CLPTM1L: variants seen among roughly 807,000 people sequenced by gnomAD.
The protein encoded by CLPTM1L is CLPTM1 like, also known as lipid scramblase CLPTM1L.
A neutral mutation model predicts 70.9 loss-of-function variants in CLPTM1L; 38 were observed. The ratio of observed to expected loss-of-function variants is 0.54; its 90% CI spans 0.41 to 0.70. The LOEUF (loss-of-function observed/expected upper bound fraction) is 0.70, where lower values mean the gene tolerates loss of function less well. Ranked by LOEUF, CLPTM1L falls within the 30% of genes least tolerant of loss-of-function variation. CLPTM1L has a pLI of 0.00. For missense variants in CLPTM1L, 652 were observed against 705.9 expected (o/e 0.92, Z 0.87); for synonymous variants, 339 against 299.9 (o/e 1.13, Z -1.35).
rs569276092 is a variant in CLPTM1L, at chr5:1,337,937, G to C, written c.645C>G (p.Ile215Met). ...KTVHYLPILF[I>M]DQLSNRVKDL... ...CCTTCACGCGGTTGCTGAGCTGGTC[G>C]ATGAACAGGATGGGCAGGTAATGCA... Residue 215 changes from isoleucine (I) to methionine (M), a missense_variant, in exon 5 of 17, where the codon ATC (isoleucine) becomes ATG (methionine). By Grantham distance (10) the Ile-to-Met change is conservative. Transcript: ENST00000320895. The C allele has an allele frequency of 4.4e-6, 7 of 1,607,584 alleles. No individual in the cohort carries two copies. The highest frequency in any genetic ancestry group is 5.9e-6 in the Non-Finnish European group (7 of 1,178,070).
intron 9 of CLPTM1L, among the ~76,000 whole-genome samples, chr5:1,329,421 T>A (rs1191255628): frequency 6.6e-6 from 1 of 151,852 alleles, no homozygotes; most frequent in Non-Finnish European, 1.5e-5. Context: ...GCCTCAGGCC[T>A]CTGCTTGGTG....
At position 1,324,750 on chromosome 5, in the gene CLPTM1L, A is replaced by G. The variant is rs546136170; in HGVS notation, c.1197+13T>C. ...GCCTGGCATGCACGTGCCCTGAATC[A>G]CAAGTGACTTACCTGAGTATCGTAC... On this transcript the variant is annotated intron_variant, in intron 11 of 16. Transcript: ENST00000320895. 2 of 1,613,534 alleles carry G rather than the reference A, an allele frequency of 1.2e-6. No individual in the cohort carries two copies. Among genetic ancestry groups the G allele is most frequent in the East Asian group, 2.2e-5 (1 of 44,882 alleles).
chr5:1,331,818 G>T lies in CLPTM1L; in HGVS notation c.957C>A (p.Ile319=), dbSNP rs142281891. 1 of 1,613,254 alleles carries T rather than the reference G, an allele frequency of 6.2e-7. No individual in the cohort carries two copies. The highest frequency in any genetic ancestry group is 8.5e-7 in the Non-Finnish European group (1 of 1,179,972). Residue 319 remains isoleucine, a synonymous_variant, in exon 8 of 17, where the codon ATC becomes ATA. Coordinates refer to ENST00000320895, the MANE Select transcript of CLPTM1L (RefSeq NM_030782.5). ...GCCTACCTGCCTTGGTGGACATGCC[G>T]ATCATGCTCTTCTTCTTCTTCCAGA... is the stretch of plus-strand genomic sequence containing the variant. ...ISFWKKKKSM[I]GMSTKAVLWR... is the part of the protein sequence containing the mutation.
In CLPTM1L at chr5:1,318,548, G is replaced by T; in HGVS notation, c.1533-95C>A. On this transcript the variant is annotated intron_variant, in intron 16 of 16. Coordinates refer to ENST00000320895, the MANE Select transcript of CLPTM1L (RefSeq NM_030782.5). The surrounding 1 kb of genome is among the most constrained non-coding windows in gnomAD (Gnocchi z 8.9). ...GCATCCTCGATTTATTTTCCAGTGA[G>T]CTGCCACAGTGAGCAAATTAACTAA... is the stretch of plus-strand genomic sequence containing the variant. The T allele has an allele frequency of 1.0e-6, 1 of 1,002,044 alleles. No individual in the cohort carries two copies. The highest frequency in any genetic ancestry group is 1.6e-6 in the Non-Finnish European group (1 of 645,010). 62.1% of individuals were successfully genotyped at this position (1,002,044 alleles called of 1,614,324 possible).
intron 7 of CLPTM1L, 151 bp from the exon 8 acceptor site, chr5:1,332,034 C>A (rs549275733): frequency 7.6e-6 from 5 of 657,430 alleles, no homozygotes; most frequent in Non-Finnish European, 1.3e-5. Flanking sequence ...GGGACCCATG[C>A]CTCTACGCGC....
Position 1,318,638 on chromosome 5 carries a change from T to C in CLPTM1L, c.1533-185A>G, listed in dbSNP as rs1751971780. Among the ~76,000 whole-genome samples the C allele has an allele frequency of 6.6e-6, 1 of 152,200 alleles. No individual in the cohort carries two copies. The highest frequency in any genetic ancestry group is 1.5e-5 in the Non-Finnish European group (1 of 68,034). On this transcript the variant is annotated intron_variant, in intron 16 of 16. Transcript: ENST00000320895. This position sits in a 1 kb window ranked among gnomAD's most constrained non-coding sequence, Gnocchi z 8.9. ...GAGGGATTTCTGAGTTGTGTTTTGT[T>C]CTGCATGGCCAGGCCAGCGTGCTGC...
At chr5:1,333,537 G>C (rs1240053031) in intron 7 of CLPTM1L, among the ~76,000 whole-genome samples, 1 of 135,272 alleles carries the variant, frequency 7.4e-6, no homozygotes, top group African/African-American at 2.8e-5. Flanking sequence ...ATGAGGATAA[G>C]GGGGGACTAC....
chr5:1,333,500 A>G (rs1401724861), intron 7 of CLPTM1L, among the ~76,000 whole-genome samples: 7 of 137,896 alleles, frequency 5.1e-5, no homozygotes, highest in African/African-American at 1.9e-4. Flanking sequence ...AGATGAGGAT[A>G]AGGGGGGACT....
chr5:1,330,005 T>TCACC (rs1249815813), intron 9 of CLPTM1L, among the ~76,000 whole-genome samples: 6 of 147,656 alleles, frequency 4.1e-5, no homozygotes, highest in Admixed American at 6.7e-5. Flanking sequence ...GCCTCAGGAC[T>TCACC]ATCTGCTTGG....
At chr5:1,344,502 G>A in intron 1 of CLPTM1L, 51 bp from the exon 2 acceptor site, 2 of 1,542,472 alleles carry the variant, frequency 1.3e-6, no homozygotes, top group East Asian at 2.2e-5. Flanking sequence ...CTGGCAGGAC[G>A]CACTCAAATC....
At chr5:1,326,217 C>A in intron 9 of CLPTM1L, 1 of 259,874 alleles carries the variant, frequency 3.8e-6, no homozygotes, top group Non-Finnish European at 7.4e-6. Flanking sequence ...ACCCACGGAG[C>A]TCAGGACGGG....
intron 7 of CLPTM1L, among the ~76,000 whole-genome samples, chr5:1,333,829 A>G (rs192309910): frequency 1.3e-5 from 2 of 152,134 alleles, no homozygotes; most frequent in East Asian, 3.9e-4. Context: ...GTATACACAC[A>G]GGACTGACTT....
chr5:1,321,862 G>A (rs777517646), intron 13 of CLPTM1L, 43 bp from the exon 14 acceptor site: 4 of 1,578,840 alleles, frequency 2.5e-6, no homozygotes, highest in Non-Finnish European at 3.5e-6. Flanking sequence ...GGAGGGCCGG[G>A]CTGCCACATC....
intron 9 of CLPTM1L, among the ~76,000 whole-genome samples, chr5:1,327,376 C>T (rs1301349093): frequency 1.3e-5 from 2 of 148,518 alleles, no homozygotes; most frequent in African/African-American, 4.9e-5. Flanking sequence ...AGGCACATTC[C>T]ATCCAGCTCC....
intron 9 of CLPTM1L, among the ~76,000 whole-genome samples, chr5:1,329,155 G>A (rs1314204314): frequency 6.6e-6 from 1 of 152,254 alleles, no homozygotes; most frequent in African/African-American, 2.4e-5. Flanking sequence ...CACCCTGAAG[G>A]CCATCGCCCC....
In CLPTM1L at chr5:1,318,064, G is replaced by A; in HGVS notation, c.*305C>T. 2.7e-6 allele frequency: 1 copy of A among 375,416 alleles called. No individual in the cohort carries two copies. The highest frequency in any genetic ancestry group is 4.4e-5 in the East Asian group (1 of 22,680). The allele number at this position is 375,416 out of a possible 1,614,324, so 23.3% of individuals were successfully genotyped here. On this transcript the variant is annotated 3_prime_UTR_variant, in exon 17 of 17. Transcript: ENST00000320895. The surrounding 1 kb of genome is among the most constrained non-coding windows in gnomAD (Gnocchi z 8.9). The stretch of plus-strand genomic sequence containing the variant: ...TCCAACAGCCCCCTTGCCTGTGAGG[G>A]CTCCCACCCCTGCCCGCGTGAGGAC...
chr5:1,337,942 A>G lies in CLPTM1L; in HGVS notation c.640T>C (p.Phe214Leu). The G allele has an allele frequency of 6.2e-7, 1 of 1,608,284 alleles. No individual in the cohort carries two copies. The highest frequency in any genetic ancestry group is 1.7e-5 in the Admixed American group (1 of 58,994). The change falls in exon 5 of 17, where the codon TTC becomes CTC. Residue 214 changes from phenylalanine (F) to leucine (L), a missense_variant. Phe to Leu is a conservative substitution (Grantham distance 22). Around this residue, in one of 3 missense-constraint regions of CLPTM1L, gnomAD observed 402 missense variants for 388.2 expected, o/e 1.04. Transcript: ENST00000320895. ...GKTVHYLPIL[F>L]IDQLSNRVKD... ...ACGCGGTTGCTGAGCTGGTCGATGA[A>G]CAGGATGGGCAGGTAATGCACGGTT...
chr5:1,320,389 T>C (rs1752080782), intron 16 of CLPTM1L: 2 of 432,408 alleles, frequency 4.6e-6, no homozygotes, highest in South Asian at 5.8e-5. Context: ...GAAACGAGCA[T>C]TTCTAAAGCA....
intron 9 of CLPTM1L, among the ~76,000 whole-genome samples, chr5:1,329,749 T>C (rs1752955732): frequency 1.0e-5 from 1 of 96,034 alleles, no homozygotes; most frequent in Admixed American, 9.0e-5. Flanking sequence ...ACTCTCTGCC[T>C]GGTGGACAGG....
Sources: allele counts gnomAD v4.1 joint callset (sites outside exome capture counted in the v4.1 genomes callset), GRCh38; gene constraint gnomAD v4.1.1; regional missense constraint gnomAD v4.1.1; non-coding constraint Gnocchi (gnomAD v3.1); transcripts MANE v1.5; gene names NCBI Gene and HGNC (gene_info 2026-07-23, HGNC 2026-07-21).